The following COL11A1 variants were observed in gnomAD, a reference collection of about 807,000 sequenced individuals.
The protein encoded by COL11A1 is collagen type XI alpha 1 chain.
In COL11A1, 74 loss-of-function variants were observed where a neutral mutation model predicts 265.2. That is an observed-to-expected ratio of 0.28 (90% CI 0.23 to 0.34). The LOEUF (loss-of-function observed/expected upper bound fraction) is 0.34. Among genes scored for constraint, COL11A1 ranks in the 10% least tolerant of loss-of-function variants. The probability of loss-of-function intolerance (pLI) is 1.00; values close to 1 mark genes in which losing one functional copy is unlikely to be tolerated. For missense variants in COL11A1, 2,165 were observed against 2,263.6 expected (o/e 0.96, Z 0.88); for synonymous variants, 816 against 727.6 (o/e 1.12, Z -1.96).
chr1:103,048,163 G>C (rs1449437763), intron 4 of COL11A1, among the ~76,000 whole-genome samples: 1 of 152,170 alleles, frequency 6.6e-6, no homozygotes, highest in South Asian at 2.1e-4. Context: ...GATTGGAATA[G>C]TTTCAGAAGG....
At chr1:103,047,754 C>T (rs1301559099) in intron 4 of COL11A1, among the ~76,000 whole-genome samples, 1 of 151,992 alleles carries the variant, frequency 6.6e-6, no homozygotes, top group Admixed American at 6.6e-5. Flanking sequence ...ATAGATAGCT[C>T]TTATTATTTT....
intron 4 of COL11A1, among the ~76,000 whole-genome samples, chr1:103,047,714 C>T (rs1669418203): frequency 6.6e-6 from 1 of 150,908 alleles, no homozygotes; most frequent in African/African-American, 2.4e-5. Flanking sequence ...AGTTTTTGCC[C>T]ATTCAGTATG....
At chr1:102,880,276 T>C (rs1156725938) in intron 65 of COL11A1, among the ~76,000 whole-genome samples, 2 of 152,192 alleles carry the variant, frequency 1.3e-5, no homozygotes, top group African/African-American at 4.8e-5. Context: ...AATGGAACAA[T>C]GAAAACCAAG....
At chr1:103,031,698 T>A (rs1300766541) in intron 4 of COL11A1, among the ~76,000 whole-genome samples, 1 of 151,998 alleles carries the variant, frequency 6.6e-6, no homozygotes, top group Admixed American at 6.6e-5. Context: ...TATATGAAAT[T>A]TTTAGAGTAA....
chr1:102,950,111 G>T (rs973210872), intron 41 of COL11A1, among the ~76,000 whole-genome samples: 13 of 152,062 alleles, frequency 8.5e-5, no homozygotes, highest in African/African-American at 3.1e-4. Context: ...GGATAACATG[G>T]TGAAACCCCC....
Position 103,014,511 on chromosome 1 carries a change from C to T in COL11A1, c.1572G>A (p.Arg524=), listed in dbSNP as rs747247236. 2 of 1,613,480 alleles carry T rather than the reference C, an allele frequency of 1.2e-6. No homozygotes were observed. Among genetic ancestry groups the T allele is most frequent in the South Asian group, 2.2e-5 (2 of 91,070 alleles). ...AQAQAILQQA[R]IALRGPPGPM... ...GGAATGCAAGTTTATCCTGTCTTAC[C>T]CGAGCCTGCTGAAGAATAGCTTGAG... The change falls in exon 13 of 67, where the codon CGG becomes CGA. Residue 524 remains arginine, a splice_region_variant and synonymous_variant. Coordinates refer to ENST00000370096, the MANE Select transcript of COL11A1 (RefSeq NM_001854.4).
chr1:102,979,925 C>T (rs1570932065), intron 31 of COL11A1, among the ~76,000 whole-genome samples: 1 of 152,076 alleles, frequency 6.6e-6, no homozygotes. Flanking sequence ...TGGATCAATT[C>T]ATAGACTAAA....
Position 102,883,252 on chromosome 1 carries a change from T to C in COL11A1, c.4918A>G (p.Asn1640Asp), listed in dbSNP as rs1650484067. The change falls in exon 64 of 67, where the codon AAT becomes GAT. Residue 1640 changes from asparagine to aspartate, a missense_variant. By Grantham distance (23) the Asn-to-Asp change is conservative. Transcript: ENST00000370096. ...CAAGTCTCACCACCAGATGTGAAAT[T>C]ACAGTAAACTTTGAAGGAATCTCCT... ...CSGDSFKVYC[N>D]FTSGGETCIY... 6.2e-7 allele frequency: 1 copy of C among 1,613,722 alleles called. No individual in the cohort carries two copies. The highest frequency in any genetic ancestry group is 8.5e-7 in the Non-Finnish European group (1 of 1,179,782).
chr1:102,961,754 CAT>C (rs1660927896), intron 41 of COL11A1, 110 bp downstream of exon 41: 4 of 940,490 alleles, frequency 4.3e-6, no homozygotes, highest in East Asian at 5.1e-5. Flanking sequence ...ATTTGATTGA[CAT>C]GTGTTTATTT....
At chr1:103,074,160 G>A (rs1671794161) in intron 4 of COL11A1, among the ~76,000 whole-genome samples, 1 of 151,938 alleles carries the variant, frequency 6.6e-6, no homozygotes, top group African/African-American at 2.4e-5. Flanking sequence ...TTTTTAAAGT[G>A]ATTTAAACAC....
In COL11A1 at chr1:102,898,950, T is replaced by C. The variant is rs896197021; in HGVS notation, c.4131A>G (p.Lys1377=). Residue 1377 remains lysine (K), a synonymous_variant, in exon 55 of 67, where the codon AAA becomes AAG. Transcript: ENST00000370096. The part of the protein sequence containing the change: ...AAGAEGRQGE[K]GAKGEAGAEG... ...ATTATTTTTTTTTTACCTTAGCACC[T>C]TTTTCACCTTGTCTTCCCTCTGCAC... is the stretch of plus-strand genomic sequence containing the variant. 6.0e-6 allele frequency: 9 copies of C among 1,501,274 alleles called. No individual in the cohort carries two copies. Among genetic ancestry groups the C allele is most frequent in the South Asian group, 2.6e-5 (2 of 78,148 alleles). The allele number at this position is 1,501,274 out of a possible 1,614,324, so 93.0% of individuals were successfully genotyped here.
At chr1:103,065,522 CAAAAAAAA>C (rs138446065) in intron 4 of COL11A1, among the ~76,000 whole-genome samples, 1 of 35,350 alleles carries the variant, frequency 2.8e-5, no homozygotes. Flanking sequence ...GACTCCGTCT[CAAAAAAAA>C]AAAAAAAAAA....
In COL11A1 at chr1:103,022,799, GGGGCTT is replaced by G; in HGVS notation, c.1182_1187del (p.Ser395_Pro396del). Reference sequence around the variant, plus strand: ...CACCTGGACCAAATTCTTCATTAGGGGGGCTTGTTGGTTTATCTTCATATTCTTTAT... The same window carrying G: ...CACCTGGACCAAATTCTTCATTAGGGGTTGGTTTATCTTCATATTCTTTAT... On this transcript the variant is annotated inframe_deletion, in exon 8 of 67. Transcript: ENST00000370096. 1 of 1,613,626 alleles carries G rather than the reference GGGGCTT, an allele frequency of 6.2e-7. No individual in the cohort carries two copies.
In COL11A1 at chr1:103,053,694, G is replaced by C. The variant is rs142579212; in HGVS notation, c.651+20924C>G. Among the ~76,000 whole-genome samples, 856 of 152,254 alleles carry C rather than the reference G, an allele frequency of 5.6e-3. 4 individuals are homozygous for C. Among genetic ancestry groups the C allele is most frequent in the Middle Eastern group, 0.027 (8 of 294 alleles). On this transcript the variant is annotated intron_variant, in intron 4 of 66. Coordinates refer to ENST00000370096, the MANE Select transcript of COL11A1 (RefSeq NM_001854.4). Reference sequence around the variant, plus strand: ...TGTGGCTCTGTCTACTCTTATACAAGTGGTCAGTAGTGGAACTTAAATATC... The same window carrying C: ...TGTGGCTCTGTCTACTCTTATACAACTGGTCAGTAGTGGAACTTAAATATC...
intron 28 of COL11A1, among the ~76,000 whole-genome samples, chr1:102,995,473 A>G (rs530187493): frequency 8.5e-5 from 13 of 152,154 alleles, no homozygotes; most frequent in African/African-American, 2.9e-4. Context: ...ATTTGTTTAA[A>G]CATTTTGGGG....
chr1:102,939,107 A>T lies in COL11A1; in HGVS notation c.3385-19T>A, dbSNP rs754980052. Reference sequence around the variant, plus strand: ...TTTCACCCTGAAATTGAAAGATTTGACTTAGAGTTTATCTCTAACATGCTA... The same window carrying T: ...TTTCACCCTGAAATTGAAAGATTTGTCTTAGAGTTTATCTCTAACATGCTA... On this transcript the variant is annotated intron_variant, in intron 43 of 66. Coordinates refer to ENST00000370096, the MANE Select transcript of COL11A1 (RefSeq NM_001854.4). The T allele has an allele frequency of 1.9e-5, 30 of 1,611,000 alleles. No individual in the cohort carries two copies. The East Asian group carries it at 6.0e-4, about 32-fold the overall frequency.
At chr1:102,887,755 G>A (rs898604972) in intron 62 of COL11A1, among the ~76,000 whole-genome samples, 5 of 152,022 alleles carry the variant, frequency 3.3e-5, no homozygotes, top group African/African-American at 1.2e-4. Flanking sequence ...AGATAACATC[G>A]CTAGAGTGGG....
intron 41 of COL11A1, among the ~76,000 whole-genome samples, chr1:102,952,862 T>A (rs1442755614): frequency 2.6e-5 from 4 of 152,200 alleles, no homozygotes; most frequent in Non-Finnish European, 5.9e-5. Flanking sequence ...AATCCTTTAA[T>A]CTCAACAGAA....
At chr1:102,971,688 G>T (rs142381815) in intron 36 of COL11A1, among the ~76,000 whole-genome samples, 1 of 152,040 alleles carries the variant, frequency 6.6e-6, no homozygotes, top group African/African-American at 2.4e-5. Context: ...GTTACTTCAG[G>T]AGAAAGGTTC....
Sources: gnomAD v4.1 joint callset for allele counts (sites outside exome capture counted in the v4.1 genomes callset) on GRCh38, gnomAD v4.1.1 for gene constraint, MANE v1.5 for transcripts, NCBI Gene and HGNC (gene_info 2026-07-23, HGNC 2026-07-21) for gene names.